Variants in KCNQ1 observed in about 807,000 individuals in gnomAD.
KCNQ1 encodes the protein potassium voltage-gated channel subfamily Q member 1.
A neutral mutation model predicts 72.4 loss-of-function variants in KCNQ1; 49 were observed. The observed-to-expected ratio is 0.68, with a 90% CI of 0.54 to 0.86. The LOEUF is 0.86. Among genes scored for constraint, KCNQ1 ranks in the 40% least tolerant of loss-of-function variants. The pLI, the probability that KCNQ1 is intolerant of heterozygous loss-of-function variation, is 0.00. For synonymous variants in KCNQ1, 450 were observed against 412.6 expected, an observed-to-expected ratio of 1.09 and a Z score of -1.10; for missense variants, 790 against 945.1, an observed-to-expected ratio of 0.84 and a Z score of 2.15.
At position 2,601,472 on chromosome 11, in the gene KCNQ1, G is replaced by C. The variant is rs796869934; in HGVS notation, c.1393+12618G>C. 5.3e-5 allele frequency among the ~76,000 whole-genome samples: 8 copies of C among 152,282 alleles called. No homozygotes were observed. Among genetic ancestry groups the C allele is most frequent in the African/African-American group, 1.7e-4 (7 of 41,566 alleles). On this transcript the variant is annotated intron_variant, in intron 10 of 15. Transcript: ENST00000155840. The surrounding 1 kb of genome is among the most constrained non-coding windows in gnomAD (Gnocchi z 5.2). Reference sequence around the variant, plus strand: ...AGTGGTAGCATCTTCTAAAACCATAGCACAATATGATAACCAGGATGTCAA... The same window carrying C: ...AGTGGTAGCATCTTCTAAAACCATACCACAATATGATAACCAGGATGTCAA...
rs1226281447 is a variant in KCNQ1 at position 2,748,967 on chromosome 11, A to C, written c.1515-19877A>C. Among the ~76,000 whole-genome samples, 2 of 152,188 alleles carry C rather than the reference A, an allele frequency of 1.3e-5. No homozygotes were observed. The highest frequency in any genetic ancestry group is 2.9e-5 in the Non-Finnish European group (2 of 68,018). On this transcript the variant is annotated intron_variant, in intron 11 of 15. Coordinates refer to ENST00000155840, the MANE Select transcript of KCNQ1 (RefSeq NM_000218.3). The surrounding 1 kb of genome is among the most constrained non-coding windows in gnomAD (Gnocchi z 6.2). Reference sequence around the variant, plus strand: ...GGCTGTGCTGCCTTTGACGTGAGCTATTCAAAATGGCGGGAGGGGCGAGGC... The same window carrying C: ...GGCTGTGCTGCCTTTGACGTGAGCTCTTCAAAATGGCGGGAGGGGCGAGGC...
At chr11:2,680,227 AGTT>A (rs925068337) in intron 11 of KCNQ1, 1 of 382,452 alleles carries the variant, frequency 2.6e-6, no homozygotes, top group Non-Finnish European at 4.5e-6. Flanking sequence ...AAAAAAAAAA[AGTT>A]GTCTATCTGT....
Position 2,479,468 on chromosome 11 carries a change from G to A in KCNQ1, c.386+33984G>A, listed in dbSNP as rs980454172. ...CCCACAGGCTCAACACCACATGGAA[G>A]CTACCAAGAGTTGGGGCTTGCACCC... On this transcript the variant is annotated intron_variant, in intron 1 of 15. Coordinates refer to ENST00000155840, the MANE Select transcript of KCNQ1 (RefSeq NM_000218.3). The surrounding 1 kb of genome is among the most constrained non-coding windows in gnomAD (Gnocchi z 4.6). Among the ~76,000 whole-genome samples the A allele has an allele frequency of 8.5e-5, 13 of 152,252 alleles. No individual in the cohort carries two copies. The highest frequency in any genetic ancestry group is 1.9e-4 in the Non-Finnish European group (13 of 68,052).
At chr11:2,533,811 C>T (rs1847681830) in intron 2 of KCNQ1, among the ~76,000 whole-genome samples, 1 of 152,222 alleles carries the variant, frequency 6.6e-6, no homozygotes, top group Admixed American at 6.5e-5. Context: ...AGGATCACAG[C>T]TTTTGTCAAA....
rs917961726 is a variant in KCNQ1, at chr11:2,817,732, C to T, written c.1795-30035C>T. Among the ~76,000 whole-genome samples the T allele has an allele frequency of 1.3e-4, 20 of 152,078 alleles. No individual in the cohort carries two copies. The highest frequency in any genetic ancestry group is 4.8e-4 in the African/African-American group (20 of 41,392). On this transcript the variant is annotated intron_variant, in intron 15 of 15. Transcript: ENST00000155840. The surrounding 1 kb of genome is among the most constrained non-coding windows in gnomAD (Gnocchi z 6.1). The stretch of plus-strand genomic sequence containing the variant: ...CACAGGGGCCTACCCACTTACGACC[C>T]ACCTCCTCTCCTCCATGGCAAAGGT...
intron 10 of KCNQ1, chr11:2,640,993 G>A (rs757059954): frequency 2.5e-6 from 1 of 398,542 alleles, no homozygotes; most frequent in Non-Finnish European, 4.4e-6. Context: ...CAAAGGACAT[G>A]ATTTCATTCT....
chr11:2,848,175 G>T lies in KCNQ1; in HGVS notation c.*172G>T, dbSNP rs1226898536. 11 of 714,680 alleles carry T rather than the reference G, an allele frequency of 1.5e-5. No individual in the cohort carries two copies. Among genetic ancestry groups the T allele is most frequent in the Non-Finnish European group, 2.7e-5 (11 of 408,752 alleles). 44.3% of individuals were successfully genotyped at this position (714,680 alleles called of 1,614,324 possible). The stretch of plus-strand genomic sequence containing the variant: ...TGTCTGGCACAGCCTGCACTTGGGG[G>T]CTCAGCAAGGCCACCTCTTCCTGGC... On this transcript the variant is annotated 3_prime_UTR_variant, in exon 16 of 16. Coordinates refer to ENST00000155840, the MANE Select transcript of KCNQ1 (RefSeq NM_000218.3).
intron 1 of KCNQ1, among the ~76,000 whole-genome samples, chr11:2,485,107 A>G (rs75980574): frequency 6.6e-6 from 1 of 151,968 alleles, no homozygotes; most frequent in Non-Finnish European, 1.5e-5. Flanking sequence ...CCCCACGGTG[A>G]CTTTGAGTAT....
chr11:2,560,769 G>C (rs1391354189), intron 2 of KCNQ1, among the ~76,000 whole-genome samples: 1 of 152,094 alleles, frequency 6.6e-6, no homozygotes, highest in African/African-American at 2.4e-5. Flanking sequence ...TCTCAGCACT[G>C]AGCTTGCAGG....
intron 11 of KCNQ1, among the ~76,000 whole-genome samples, chr11:2,742,175 G>C (rs995290393): frequency 2.6e-5 from 4 of 152,370 alleles, no homozygotes; most frequent in African/African-American, 9.6e-5. Context: ...CAGAGGTTTT[G>C]CACAGAACGA....
chr11:2,489,536 T>TGGG (rs146607573), intron 1 of KCNQ1, among the ~76,000 whole-genome samples: 1 of 151,522 alleles, frequency 6.6e-6, no homozygotes, highest in Non-Finnish European at 1.5e-5. Flanking sequence ...CCAGTGGATG[T>TGGG]GGGGGGCACA....
At chr11:2,568,585 A>G (rs1470154099) in intron 2 of KCNQ1, among the ~76,000 whole-genome samples, 2 of 152,262 alleles carry the variant, frequency 1.3e-5, no homozygotes, top group Non-Finnish European at 2.9e-5. Context: ...CCGACGAGAC[A>G]GAGCTCCTGC....
At position 2,733,814 on chromosome 11, in the gene KCNQ1, A is replaced by ACACACACTCTCTCACTCTCTCT; in HGVS notation, c.1515-35029_1515-35028insACACACTCTCTCACTCTCTCTC. Among the ~76,000 whole-genome samples, 13 of 86,654 alleles carry ACACACACTCTCTCACTCTCTCT rather than the reference A, an allele frequency of 1.5e-4. No homozygotes were observed. The East Asian group carries it at 2.2e-3, about 15-fold the overall frequency. The allele number at this position is 86,654 out of a possible 152,430, so 56.8% of individuals were successfully genotyped here. On this transcript the variant is annotated intron_variant, in intron 11 of 15. Transcript: ENST00000155840. ...CACACACACACACACACACACACACACTCTCTCACTCTCTCTCTCTCTCTC... is the reference window on the plus strand; with the variant it reads ...CACACACACACACACACACACACACACACACACTCTCTCACTCTCTCTCTCTCTCACTCTCTCTCTCTCTCTC...
chr11:2,587,054 G>T (rs1400279708), intron 8 of KCNQ1, among the ~76,000 whole-genome samples: 1 of 152,188 alleles, frequency 6.6e-6, no homozygotes, highest in East Asian at 1.9e-4. Context: ...CTGCAAGGTG[G>T]TATAGGCCTC....
At position 2,813,455 on chromosome 11, in the gene KCNQ1, T is replaced by A. The variant is rs984163631; in HGVS notation, c.1795-34312T>A. 6.6e-6 allele frequency among the ~76,000 whole-genome samples: 1 copy of A among 151,848 alleles called. No homozygotes were observed. The highest frequency in any genetic ancestry group is 1.5e-5 in the Non-Finnish European group (1 of 67,986). ...TAGAGCAAATGCCCCTCCCCCGCCA[T>A]CTTTTCATGACTCTCCCCCTTCCTC... On this transcript the variant is annotated intron_variant, in intron 15 of 15. Coordinates refer to ENST00000155840, the MANE Select transcript of KCNQ1 (RefSeq NM_000218.3). This position sits in a 1 kb window ranked among gnomAD's most constrained non-coding sequence, Gnocchi z 4.4.
intron 10 of KCNQ1, chr11:2,643,787 A>G (rs1849617698): frequency 5.0e-6 from 2 of 398,486 alleles, no homozygotes; most frequent in Non-Finnish European, 8.8e-6. Flanking sequence ...TGTAGTGGCA[A>G]TTAATTCCCT....
chr11:2,700,644 C>T (rs914839801), intron 11 of KCNQ1, among the ~76,000 whole-genome samples: 4 of 152,110 alleles, frequency 2.6e-5, no homozygotes, highest in African/African-American at 9.7e-5. Context: ...GCCGCTCACC[C>T]CTGAGGACTT....
At chr11:2,839,269 G>T (rs1564912343) in intron 15 of KCNQ1, among the ~76,000 whole-genome samples, 1 of 152,182 alleles carries the variant, frequency 6.6e-6, no homozygotes, top group Non-Finnish European at 1.5e-5. Context: ...GGGCAAAGGG[G>T]CTCCAGTGCC....
intron 15 of KCNQ1, among the ~76,000 whole-genome samples, chr11:2,805,502 C>T (rs974465469): frequency 5.3e-5 from 8 of 152,218 alleles, no homozygotes; most frequent in African/African-American, 1.9e-4. Flanking sequence ...GGACTTGGGG[C>T]CTCATCTGGC....
Sources: gnomAD v4.1 joint callset for allele counts (sites outside exome capture counted in the v4.1 genomes callset) on GRCh38, gnomAD v4.1.1 for gene constraint, Gnocchi (gnomAD v3.1) non-coding constraint, MANE v1.5 for transcripts, NCBI Gene and HGNC (gene_info 2026-07-23, HGNC 2026-07-21) for gene names.